NCLN: variants seen among roughly 807,000 people sequenced by gnomAD.
NCLN encodes the protein BOS complex subunit NCLN.
Under a neutral mutation model 69.5 loss-of-function variants are expected in NCLN, and 34 were observed. That is an observed-to-expected ratio of 0.49 (90% confidence interval 0.37 to 0.65). The LOEUF (loss-of-function observed/expected upper bound fraction) is 0.65. Ranked by LOEUF, NCLN falls within the 30% of genes least tolerant of loss-of-function variation. The probability of loss-of-function intolerance (pLI) is 0.00; values close to 1 mark genes in which losing one functional copy is unlikely to be tolerated. For missense variants in NCLN, 710 were observed against 804.8 expected (o/e 0.88, Z 1.42); for synonymous variants, 393 against 358.3 (o/e 1.10, Z -1.09).
chr19:3,205,523 G>A lies in NCLN; in HGVS notation c.1209-416G>A, dbSNP rs1218889111. On this transcript the variant is annotated intron_variant, in intron 9 of 14. Transcript: ENST00000246117. This position sits in a 1 kb window ranked among gnomAD's most constrained non-coding sequence, Gnocchi z 4.6. ...CCAGGAAAGATTGCCAGGAAATGAG[G>A]GTGGGTGCACGGCTGTCCCAGCTGT... is the stretch of plus-strand genomic sequence containing the variant. 6.6e-6 allele frequency among the ~76,000 whole-genome samples: 1 copy of A among 152,232 alleles called. No individual in the cohort carries two copies. Among genetic ancestry groups the A allele is most frequent in the African/African-American group, 2.4e-5 (1 of 41,466 alleles).
intron 1 of NCLN, among the ~76,000 whole-genome samples, chr19:3,189,783 G>A (rs1171218586): frequency 6.6e-6 from 1 of 152,260 alleles, no homozygotes; most frequent in Non-Finnish European, 1.5e-5. Flanking sequence ...TTCTCCTGGG[G>A]AGATGGGCCT....
At position 3,204,729 on chromosome 19, in the gene NCLN, C is replaced by G. The variant is rs755831463; in HGVS notation, c.1186C>G (p.Arg396Gly). ...CCTGGAGAGCCACCGTGACGGCCAG[C>G]GCAGCAGCATCATGGACGTGCGGTG... ...SHLESHRDGQ[R>G]SSIMDVRSRV... is the part of the protein sequence containing the mutation. The change falls in exon 9 of 15, where the codon CGC becomes GGC. Residue 396 changes from arginine (R) to glycine (G), a missense_variant. Coordinates refer to ENST00000246117, the MANE Select transcript of NCLN (RefSeq NM_020170.4). 6.4e-7 allele frequency: 1 copy of G among 1,564,770 alleles called. No homozygotes were observed. Among genetic ancestry groups the G allele is most frequent in the Non-Finnish European group, 8.7e-7 (1 of 1,154,592 alleles).
rs1224505139 is a variant in NCLN at position 3,203,753 on chromosome 19, C to T, written c.801-3C>T. ...AAAGCTAACACTGGGTCTTCCCTCC[C>T]AGCTACAACCTCCTGTTCTTTGCGT... On this transcript the variant is annotated splice_region_variant and splice_polypyrimidine_tract_variant and intron_variant, in intron 6 of 14. Transcript: ENST00000246117. 6.2e-7 allele frequency: 1 copy of T among 1,610,060 alleles called. No homozygotes were observed. The highest frequency in any genetic ancestry group is 8.5e-7 in the Non-Finnish European group (1 of 1,178,456).
At position 3,207,440 on chromosome 19, in the gene NCLN, T is replaced by C; in HGVS notation, c.1603T>C (p.Tyr535His). 1 of 1,613,050 alleles carries C rather than the reference T, an allele frequency of 6.2e-7. No individual in the cohort carries two copies. Among genetic ancestry groups the C allele is most frequent in the Non-Finnish European group, 8.5e-7 (1 of 1,180,016 alleles). Residue 535 changes from tyrosine to histidine, a missense_variant, in exon 14 of 15, where the codon TAC (tyrosine) becomes CAC (histidine). Transcript: ENST00000246117. The stretch of plus-strand genomic sequence containing the variant: ...GCTCCTGGCTGTTGGCATTGCTGCC[T>C]ACCTCGGCATGGCCTACGTGGCTGT... Reference protein sequence around the residue: ...DLLLAVGIAAYLGMAYVAVQH... With the variant: ...DLLLAVGIAAHLGMAYVAVQH...
rs370051806 is a variant in NCLN at position 3,190,770 on chromosome 19, C to T, written c.185-1700C>T. 9.3e-5 allele frequency among the ~76,000 whole-genome samples: 14 copies of T among 151,250 alleles called. No individual in the cohort carries two copies. In the East Asian group the frequency reaches 2.1e-3, roughly 23 times the overall value. The stretch of plus-strand genomic sequence containing the variant: ...CTGCGTCAGGCCTGTACCCGGCCCC[C>T]CTGCGTCAGGTCTGCTTGCGGGCTT... On this transcript the variant is annotated intron_variant, in intron 1 of 14. Coordinates refer to ENST00000246117, the MANE Select transcript of NCLN (RefSeq NM_020170.4).
intron 5 of NCLN, among the ~76,000 whole-genome samples, chr19:3,200,172 C>T (rs1916088474): frequency 6.6e-6 from 1 of 152,108 alleles, no homozygotes; most frequent in Non-Finnish European, 1.5e-5. Context: ...GCCTCTTGAA[C>T]TCCTGACCTC....
intron 13 of NCLN, 39 bp from the exon 14 acceptor site, chr19:3,207,352 G>T (rs79771827): frequency 6.8e-6 from 11 of 1,612,492 alleles, no homozygotes; most frequent in Non-Finnish European, 8.5e-6. Context: ...TTACTGCCGC[G>T]CACCATCCTC....
At chr19:3,189,051 C>G (rs191351221) in intron 1 of NCLN, among the ~76,000 whole-genome samples, 1 of 152,242 alleles carries the variant, frequency 6.6e-6, no homozygotes, top group African/African-American at 2.4e-5. Context: ...CTGGGGAGTC[C>G]TTTCCCAACT....
chr19:3,189,365 G>T (rs529690196), intron 1 of NCLN, among the ~76,000 whole-genome samples: 1 of 152,242 alleles, frequency 6.6e-6, no homozygotes, highest in African/African-American at 2.4e-5. Context: ...TGTAGGTCAC[G>T]TCTGGCTCTC....
At chr19:3,204,247 AGGCTCTGAGG>A in intron 8 of NCLN, 103 bp downstream of exon 8, 1 of 1,316,088 alleles carries the variant, frequency 7.6e-7, no homozygotes, top group African/African-American at 1.5e-5. Flanking sequence ...TCCGCCCCTC[AGGCTCTGAGG>A]GCCACACTGT....
At chr19:3,199,363 C>G (rs1916062195) in intron 5 of NCLN, among the ~76,000 whole-genome samples, 1 of 152,272 alleles carries the variant, frequency 6.6e-6, no homozygotes, top group East Asian at 1.9e-4. Context: ...CAGCAGTGAG[C>G]TGGGACGACA....
At position 3,193,403 on chromosome 19, in the gene NCLN, C is replaced by G; in HGVS notation, c.495C>G (p.Ser165=). The G allele has an allele frequency of 1.2e-6, 2 of 1,608,558 alleles. No homozygotes were observed. Among genetic ancestry groups the G allele is most frequent in the South Asian group, 1.1e-5 (1 of 91,004 alleles). The change falls in exon 3 of 15, where the codon TCC becomes TCG. Residue 165 remains serine (S), a synonymous_variant. Coordinates refer to ENST00000246117, the MANE Select transcript of NCLN (RefSeq NM_020170.4). ...AGCAGACCCAGGCTGCCTCCGCCTC[C>G]CAGGGCTCCGCCTCTGCTGCTGAAG... ...IYKQTQAASA[S]QGSASAAEVL...
chr19:3,197,581 A>G (rs1357369222), intron 4 of NCLN, among the ~76,000 whole-genome samples: 1 of 150,042 alleles, frequency 6.7e-6, no homozygotes, highest in East Asian at 1.9e-4. Flanking sequence ...AGCTGGGATT[A>G]CTGTCATGTG....
chr19:3,204,497 C>G lies in NCLN; in HGVS notation c.1030-76C>G, dbSNP rs1033089496. ...GCACCCTCGGGGGTTCTGGGAGGCC[C>G]CTGGAGCATTTGGGGAATGGGCTGG... On this transcript the variant is annotated intron_variant, in intron 8 of 14. Transcript: ENST00000246117. 2.1e-6 allele frequency: 3 copies of G among 1,432,300 alleles called. No individual in the cohort carries two copies. In the South Asian group the frequency reaches 4.3e-5, roughly 21 times the overall value. 88.7% of individuals were successfully genotyped at this position (1,432,300 alleles called of 1,614,324 possible). A position where few individuals can be genotyped will look rare whatever the true frequency, so the allele number is the denominator to read the frequency against.
intron 3 of NCLN, among the ~76,000 whole-genome samples, chr19:3,194,726 G>A (rs1915913206): frequency 6.6e-6 from 1 of 150,964 alleles, no homozygotes; most frequent in African/African-American, 2.4e-5. Flanking sequence ...TAGAGAAGAA[G>A]GAAAGAGGAG....
intron 2 of NCLN, 49 bp from the exon 3 acceptor site, chr19:3,193,235 G>C: frequency 1.4e-6 from 2 of 1,475,712 alleles, no homozygotes; most frequent in Non-Finnish European, 1.8e-6. Context: ...CTGCTACCTT[G>C]CCACCCCCAC....
intron 4 of NCLN, among the ~76,000 whole-genome samples, chr19:3,196,644 A>G (rs1023883553): frequency 2.6e-5 from 4 of 151,832 alleles, no homozygotes; most frequent in Admixed American, 6.6e-5. Context: ...TCATCACATA[A>G]CCTCACCCGT....
At position 3,205,918 on chromosome 19, in the gene NCLN, C is replaced by T. The variant is rs534650292; in HGVS notation, c.1209-21C>T. 3 of 1,612,404 alleles carry T rather than the reference C, an allele frequency of 1.9e-6. No individual in the cohort carries two copies. Among genetic ancestry groups the T allele is most frequent in the Non-Finnish European group, 2.5e-6 (3 of 1,179,050 alleles). On this transcript the variant is annotated intron_variant, in intron 9 of 14. Transcript: ENST00000246117. This position sits in a 1 kb window ranked among gnomAD's most constrained non-coding sequence, Gnocchi z 4.6. ...CTGGCCCAAAGTCCACATTTTAAAA[C>T]ATTGTTTTTGAATCGTGAAGGTCCC...
chr19:3,197,867 C>T (rs571656268), intron 4 of NCLN, among the ~76,000 whole-genome samples: 21 of 152,282 alleles, frequency 1.4e-4, no homozygotes, highest in African/African-American at 4.6e-4. Context: ...GTGATCTACC[C>T]GCCTTGGCCT....
Sources: gnomAD v4.1 joint callset for allele counts (sites outside exome capture counted in the v4.1 genomes callset) on GRCh38, gnomAD v4.1.1 for gene constraint, Gnocchi (gnomAD v3.1) non-coding constraint, MANE v1.5 for transcripts, NCBI Gene and HGNC (gene_info 2026-07-23, HGNC 2026-07-21) for gene names.